SLC10A1: variants seen among roughly 807,000 people sequenced by gnomAD.
SLC10A1 encodes solute carrier family 10 member 1.
SLC10A1 carries 36 observed loss-of-function variants against 20.5 expected under a neutral mutation model. The observed-to-expected ratio is 1.75, with a 90% CI of 1.34 to 2.32. The LOEUF (loss-of-function observed/expected upper bound fraction) is 2.32. Among genes scored for constraint, SLC10A1 ranks in the 30% most tolerant of loss-of-function variants. SLC10A1 has a pLI of 0.00. For missense variants in SLC10A1, 545 were observed against 439.1 expected, an observed-to-expected ratio of 1.24 and a Z score of -2.16; for synonymous variants, 188 against 163.6, an observed-to-expected ratio of 1.15 and a Z score of -1.14.
chr14:69,794,636 TG>T (rs140796924), intron 1 of SLC10A1, among the ~76,000 whole-genome samples: 1,743 of 152,356 alleles, frequency 0.011, 35 homozygotes, highest in African/African-American at 0.04. Context: ...ATTTGAAGTC[TG>T]GCAGCACATG....
In SLC10A1 at chr14:69,786,251, A is replaced by G. The variant is rs543063679; in HGVS notation, c.413T>C (p.Leu138Pro). 2.8e-5 allele frequency: 45 copies of G among 1,614,094 alleles called. No individual in the cohort carries two copies. The Admixed American group carries it at 6.7e-4, about 24-fold the overall frequency. ...FCALGMMPLL[L>P]YIYSRGIYDG... ...ATAGATCCCCCTGGAGTAGATGTAC[A>G]GGAGGAGAGGCATCATGCCAAGGGC... Residue 138 changes from leucine (L) to proline (P), a missense_variant, in exon 2 of 5, where the codon CTG becomes CCG. Leu to Pro is a moderately conservative substitution (Grantham distance 98, BLOSUM62 -3). Transcript: ENST00000216540.
chr14:69,791,894 C>G (rs1468764781), intron 1 of SLC10A1, among the ~76,000 whole-genome samples: 1 of 151,796 alleles, frequency 6.6e-6, no homozygotes, highest in Non-Finnish European at 1.5e-5. Flanking sequence ...GAAAATCAAA[C>G]ATTTAAAACT....
intron 3 of SLC10A1, among the ~76,000 whole-genome samples, 160 bp downstream of exon 3, chr14:69,779,022 A>G (rs1594760318): frequency 6.6e-6 from 1 of 152,088 alleles, no homozygotes; most frequent in South Asian, 2.1e-4. Context: ...TCAGCTGGTC[A>G]TGGTGGCTTG....
intron 1 of SLC10A1, among the ~76,000 whole-genome samples, chr14:69,793,146 T>G (rs1594765214): frequency 6.6e-6 from 1 of 152,282 alleles, no homozygotes; most frequent in Non-Finnish European, 1.5e-5. Flanking sequence ...TCATGCTTAC[T>G]TTGGCTTGTG....
chr14:69,778,691 T>C (rs904729305), intron 3 of SLC10A1, among the ~76,000 whole-genome samples, 162 bp from the exon 4 acceptor site: 1 of 152,184 alleles, frequency 6.6e-6, no homozygotes, highest in Non-Finnish European at 1.5e-5. Context: ...GGTGTCTGGA[T>C]TTTTAACCCG....
rs199663299 is a variant in SLC10A1, at chr14:69,786,183, T to C, written c.481A>G (p.Ile161Val). ...KDKVPYKGIVISLVLVLIPCT... is the reference protein window; with the variant it reads ...KDKVPYKGIVVSLVLVLIPCT... ...GGAATGAGAACCAGGACCAGTGATA[T>C]CACGATGCCTTTATAGGGCACCTTG... The change falls in exon 2 of 5, where the codon ATA becomes GTA. Residue 161 changes from isoleucine to valine, a missense_variant. Transcript: ENST00000216540. The C allele has an allele frequency of 4.0e-5, 65 of 1,614,082 alleles. No individual in the cohort carries two copies. The highest frequency in any genetic ancestry group is 1.7e-4 in the African/African-American group (13 of 75,004).
Position 69,775,986 on chromosome 14 carries a change from A to G in SLC10A1, c.*296T>C. 2.8e-6 allele frequency: 1 copy of G among 356,158 alleles called. No individual in the cohort carries two copies. Among genetic ancestry groups the G allele is most frequent in the Non-Finnish European group, 5.1e-6 (1 of 195,446 alleles). 22.1% of individuals were successfully genotyped at this position (356,158 alleles called of 1,614,324 possible). On this transcript the variant is annotated 3_prime_UTR_variant, in exon 5 of 5. Transcript: ENST00000216540. ...GGAATTGAGTGACTTTAAGATGCTT[A>G]TCAGACACTTTTAGAGATCCCAGCA...
intron 2 of SLC10A1, among the ~76,000 whole-genome samples, chr14:69,783,529 G>A (rs561729739): frequency 4.5e-4 from 69 of 152,316 alleles, no homozygotes; most frequent in Non-Finnish European, 7.9e-4. Context: ...GAATTGGGAA[G>A]AAGAGTGTTC....
intron 1 of SLC10A1, among the ~76,000 whole-genome samples, chr14:69,795,096 C>G (rs910574280): frequency 1.3e-5 from 2 of 152,174 alleles, no homozygotes; most frequent in African/African-American, 4.8e-5. Context: ...CAGATATACT[C>G]TAGGATTCTT....
intron 1 of SLC10A1, among the ~76,000 whole-genome samples, chr14:69,791,449 C>T (rs1028053840): frequency 5.9e-5 from 9 of 151,938 alleles, no homozygotes; most frequent in African/African-American, 1.9e-4. Flanking sequence ...TACAGGCGCC[C>T]GCCACCACGC....
intron 2 of SLC10A1, among the ~76,000 whole-genome samples, chr14:69,782,392 A>G (rs188469885): frequency 6.5e-4 from 99 of 152,352 alleles, no homozygotes; most frequent in African/African-American, 2.3e-3. Context: ...CAACAGGAAC[A>G]GACTGGTTGA....
intron 2 of SLC10A1, among the ~76,000 whole-genome samples, chr14:69,783,442 C>T (rs1883643654): frequency 6.6e-6 from 1 of 152,056 alleles, no homozygotes. Flanking sequence ...AGGAAGGCTT[C>T]CTGGGGGAGG....
chr14:69,784,741 C>T (rs1165734963), intron 2 of SLC10A1, among the ~76,000 whole-genome samples: 2 of 149,524 alleles, frequency 1.3e-5, no homozygotes, highest in African/African-American at 5.0e-5. Context: ...GGGGAGGCTG[C>T]TGGGCCAGGG....
rs1185941990 is a variant in SLC10A1 at position 69,776,323 on chromosome 14, C to T, written c.1009G>A (p.Gly337Ser). ...GAGCAGTCCTCCCCTTTGTAGGTGC[C>T]ATTTCCCAGAGCTCCTGGAATTGTT... ...EETIPGALGN[G>S]TYKGEDCSPC... The change falls in exon 5 of 5, where the codon GGC becomes AGC. Residue 337 changes from glycine to serine, a missense_variant. Physicochemically the swap from Gly to Ser is moderately conservative, Grantham distance 56. Transcript: ENST00000216540. 2 of 1,613,734 alleles carry T rather than the reference C, an allele frequency of 1.2e-6. No homozygotes were observed. The highest frequency in any genetic ancestry group is 2.2e-5 in the South Asian group (2 of 91,046).
intron 4 of SLC10A1, among the ~76,000 whole-genome samples, 180 bp from the exon 5 acceptor site, chr14:69,776,568 C>T (rs372221415): frequency 4.6e-5 from 7 of 152,186 alleles, no homozygotes. Flanking sequence ...CCCTCAGTCT[C>T]CCTAATGGTA....
intron 2 of SLC10A1, among the ~76,000 whole-genome samples, chr14:69,780,565 C>T (rs1883567443): frequency 6.6e-6 from 1 of 152,194 alleles, no homozygotes; most frequent in South Asian, 2.1e-4. Flanking sequence ...GCATTAAGTA[C>T]ATTCATAATG....
At chr14:69,792,905 C>T (rs1179661556) in intron 1 of SLC10A1, among the ~76,000 whole-genome samples, 3 of 150,642 alleles carry the variant, frequency 2.0e-5, no homozygotes, top group East Asian at 1.9e-4. Flanking sequence ...AATTAAAAGA[C>T]GTAAATCCCG....
At chr14:69,776,803 C>T (rs1272472480) in intron 4 of SLC10A1, among the ~76,000 whole-genome samples, 3 of 152,308 alleles carry the variant, frequency 2.0e-5, no homozygotes, top group African/African-American at 4.8e-5. Flanking sequence ...TCTTCTTGTC[C>T]GTGGTGTAGG....
intron 2 of SLC10A1, among the ~76,000 whole-genome samples, chr14:69,785,666 G>A (rs1272016655): frequency 1.3e-5 from 2 of 149,348 alleles, no homozygotes; most frequent in Non-Finnish European, 3.0e-5. Context: ...GCGCGATCTC[G>A]GCTCACTGCA....
Sources: gnomAD v4.1 joint callset for allele counts (sites outside exome capture counted in the v4.1 genomes callset) on GRCh38, gnomAD v4.1.1 for gene constraint, MANE v1.5 for transcripts, NCBI Gene and HGNC (gene_info 2026-07-23, HGNC 2026-07-21) for gene names.